BMPR2: variants seen among roughly 807,000 people sequenced by gnomAD.
The protein encoded by BMPR2 is bone morphogenetic protein receptor type-2.
In BMPR2, 29 loss-of-function variants were observed where a neutral mutation model predicts 100.8. The ratio of observed to expected loss-of-function variants is 0.29; its 90% confidence interval spans 0.21 to 0.39. BMPR2 has a LOEUF of 0.39. BMPR2 is among the 10% of genes least tolerant of loss of function. The pLI, the probability that BMPR2 is intolerant of heterozygous loss-of-function variation, is 1.00. For synonymous variants in BMPR2, 382 were observed against 442.3 expected (o/e 0.86, Z 1.71); for missense variants, 1,011 against 1,274.5 (o/e 0.79, Z 3.15).
rs111283431 is a variant in BMPR2, at chr2:202,466,491, T to G, written c.248-1028T>G. On this transcript the variant is annotated intron_variant, in intron 2 of 12. Transcript: ENST00000374580. The stretch of plus-strand genomic sequence containing the variant: ...TAGTGGAGATAGAGTTTTGCCATGT[T>G]GGCCAGGGTGGTCTCGATCTCCTGA... 6.2e-3 allele frequency among the ~76,000 whole-genome samples: 941 copies of G among 152,252 alleles called. 15 individuals are homozygous for G. Among genetic ancestry groups the G allele is most frequent in the African/African-American group, 0.021 (877 of 41,542 alleles).
At chr2:202,417,415 G>C (rs1262278731) in intron 1 of BMPR2, among the ~76,000 whole-genome samples, 1 of 152,186 alleles carries the variant, frequency 6.6e-6, no homozygotes, top group African/African-American at 2.4e-5. Flanking sequence ...CGATTCTCCT[G>C]CCTCAGCCTC....
Position 202,464,827 on chromosome 2 carries a change from G to A in BMPR2, c.95G>A (p.Arg32Gln), listed in dbSNP as rs368430622. The change falls in exon 2 of 13, where the codon CGG becomes CAG. Residue 32 changes from arginine (R) to glutamine (Q), a missense_variant. This residue lies in a region of BMPR2 where 355 missense variants were observed against 455.3 expected (regional missense o/e 0.78). Coordinates refer to ENST00000374580, the MANE Select transcript of BMPR2 (RefSeq NM_001204.7). ...ATTTTAGCTTCGCAGAATCAAGAAC[G>A]GCTATGTGCGTTTAAAGATCCGTAT... ...STAAASQNQE[R>Q]LCAFKDPYQQ... 10 of 1,612,988 alleles carry A rather than the reference G, an allele frequency of 6.2e-6. No individual in the cohort carries two copies. Among genetic ancestry groups the A allele is most frequent in the Admixed American group, 5.0e-5 (3 of 59,902 alleles).
intron 1 of BMPR2, among the ~76,000 whole-genome samples, chr2:202,424,231 G>C (rs1691334288): frequency 6.6e-6 from 1 of 151,886 alleles, no homozygotes; most frequent in Non-Finnish European, 1.5e-5. Context: ...AACGTTAGCT[G>C]GGCATAGTGG....
intron 1 of BMPR2, among the ~76,000 whole-genome samples, chr2:202,421,624 A>AGTC (rs1347191016): frequency 6.6e-6 from 1 of 150,482 alleles, no homozygotes; most frequent in African/African-American, 2.4e-5. Flanking sequence ...CCTGGGCGAC[A>AGTC]GAGTGAGACT....
At chr2:202,531,375 C>T (rs746075608) in intron 8 of BMPR2, among the ~76,000 whole-genome samples, 1 of 152,182 alleles carries the variant, frequency 6.6e-6, no homozygotes, top group Non-Finnish European at 1.5e-5. Flanking sequence ...AAAGACATCT[C>T]ATAAAGGCCT....
chr2:202,490,319 T>TAC lies in BMPR2; in HGVS notation c.418+22647_418+22648dup, dbSNP rs147025489. Among the ~76,000 whole-genome samples the TAC allele has an allele frequency of 4.1e-3, 619 of 150,300 alleles. 5 individuals carry two copies. The highest frequency in any genetic ancestry group is 8.6e-3 in the South Asian group (41 of 4,770). On this transcript the variant is annotated intron_variant, in intron 3 of 12. Coordinates refer to ENST00000374580, the MANE Select transcript of BMPR2 (RefSeq NM_001204.7). ...TTACCTTCTAAAGTCAAAAGGTATG[T>TAC]ACACACACACACACACACGAGGTTG...
At position 202,542,395 on chromosome 2, in the gene BMPR2, C is replaced by T. The variant is rs1347010932; in HGVS notation, c.1361C>T (p.Ser454Phe). 5 of 1,613,980 alleles carry T rather than the reference C, an allele frequency of 3.1e-6. No individual in the cohort carries two copies. Among genetic ancestry groups the T allele is most frequent in the Non-Finnish European group, 4.2e-6 (5 of 1,180,002 alleles). Reference sequence around the variant, plus strand: ...TTTGAGGATATGCAGGTTCTCGTGTCTAGGGAAAAACAGAGACCCAAGTTC... The same window carrying T: ...TTTGAGGATATGCAGGTTCTCGTGTTTAGGGAAAAACAGAGACCCAAGTTC... ...PTFEDMQVLV[S>F]REKQRPKFPE... The change falls in exon 10 of 13, where the codon TCT (serine) becomes TTT (phenylalanine). Residue 454 changes from serine (S) to phenylalanine (F), a missense_variant. By Grantham distance (155) the Ser-to-Phe change is radical. This residue lies in a region of BMPR2 where 83 missense variants were observed against 140.7 expected (regional missense o/e 0.59). Transcript: ENST00000374580.
Position 202,556,176 on chromosome 2 carries a change from C to T in BMPR2, c.2511C>T (p.Asn837=), listed in dbSNP as rs776537343. 5 of 1,611,724 alleles carry T rather than the reference C, an allele frequency of 3.1e-6. No individual in the cohort carries two copies. In the Admixed American group the frequency reaches 8.3e-5, roughly 27 times the overall value. Residue 837 remains asparagine, a synonymous_variant, in exon 12 of 13, where the codon AAC becomes AAT. Transcript: ENST00000374580. The part of the protein sequence containing the change: ...NGTVLSGQTT[N]IVTHRAQEML... ...CAGTACTATCTGGCCAAACAACCAA[C>T]ATAGTGACACATAGGGCCCAAGAAA...
At chr2:202,380,965 CTTTTTT>C (rs1159400445) in intron 1 of BMPR2, among the ~76,000 whole-genome samples, 5 of 70,780 alleles carry the variant, frequency 7.1e-5, no homozygotes, top group African/African-American at 1.7e-4. Context: ...TTCTTTCTTT[CTTTTTT>C]TTTTTTTTTT....
chr2:202,419,753 C>T (rs1415183919), intron 1 of BMPR2, among the ~76,000 whole-genome samples: 4 of 152,120 alleles, frequency 2.6e-5, no homozygotes, highest in African/African-American at 7.2e-5. Flanking sequence ...TGTCAAATGT[C>T]TCTAGAAGAA....
intron 3 of BMPR2, among the ~76,000 whole-genome samples, chr2:202,497,883 AG>A (rs1324921180): frequency 6.6e-6 from 1 of 152,188 alleles, no homozygotes; most frequent in Non-Finnish European, 1.5e-5. Flanking sequence ...CTCACCAATC[AG>A]AAAGACATAA....
chr2:202,420,659 G>C (rs898214030), intron 1 of BMPR2, among the ~76,000 whole-genome samples: 2 of 141,376 alleles, frequency 1.4e-5, no homozygotes, highest in African/African-American at 5.3e-5. Context: ...TGATTCTCTT[G>C]CCTCAGCCTC....
intron 9 of BMPR2, among the ~76,000 whole-genome samples, chr2:202,533,309 T>C (rs1688061487): frequency 6.6e-6 from 1 of 152,134 alleles, no homozygotes; most frequent in Non-Finnish European, 1.5e-5. Context: ...CCCAGCACTT[T>C]GTGAGGCCGA....
chr2:202,544,074 G>A (rs1171167542), intron 10 of BMPR2, among the ~76,000 whole-genome samples: 1 of 151,994 alleles, frequency 6.6e-6, no homozygotes, highest in Non-Finnish European at 1.5e-5. Context: ...CCCCAGAGGT[G>A]GAGGTTGCAG....
At chr2:202,451,702 A>C (rs941095577) in intron 1 of BMPR2, among the ~76,000 whole-genome samples, 2 of 152,138 alleles carry the variant, frequency 1.3e-5, no homozygotes, top group Non-Finnish European at 2.9e-5. Flanking sequence ...TCTGTCTCAA[A>C]ACAACAACAA....
At chr2:202,393,151 A>G (rs1405822861) in intron 1 of BMPR2, among the ~76,000 whole-genome samples, 3 of 152,206 alleles carry the variant, frequency 2.0e-5, no homozygotes, top group Admixed American at 6.5e-5. Flanking sequence ...AATACATAGC[A>G]TAAACTGGAA....
At chr2:202,436,141 G>A (rs902687629) in intron 1 of BMPR2, among the ~76,000 whole-genome samples, 2 of 150,570 alleles carry the variant, frequency 1.3e-5, no homozygotes, top group Non-Finnish European at 1.5e-5. Flanking sequence ...ATAATAAACC[G>A]GCCATTTTCA....
At chr2:202,397,027 C>T (rs1690669907) in intron 1 of BMPR2, among the ~76,000 whole-genome samples, 1 of 152,092 alleles carries the variant, frequency 6.6e-6, no homozygotes, top group Admixed American at 6.6e-5. Context: ...GAACTCCCAG[C>T]CTCAGGTGAT....
At chr2:202,436,532 A>G (rs563735950) in intron 1 of BMPR2, among the ~76,000 whole-genome samples, 13 of 150,950 alleles carry the variant, frequency 8.6e-5, no homozygotes, top group Non-Finnish European at 1.6e-4. Context: ...TATCTTGACA[A>G]AGATATCTAA....
Sources: gnomAD v4.1 joint callset for allele counts (sites outside exome capture counted in the v4.1 genomes callset) on GRCh38, gnomAD v4.1.1 for gene constraint, gnomAD v4.1.1 regional missense constraint, MANE v1.5 for transcripts, NCBI Gene and HGNC (gene_info 2026-07-23, HGNC 2026-07-21) for gene names.